The following ATP7A variants were observed in gnomAD, a reference collection of about 807,000 sequenced individuals.
ATP7A encodes the protein copper-transporting ATPase 1.
In ATP7A, 7 loss-of-function variants were observed where a neutral mutation model predicts 83.5. The observed-to-expected ratio is 0.08, with a 90% CI of 0.05 to 0.16. ATP7A has a LOEUF of 0.16. Among genes scored for constraint, ATP7A ranks in the 10% least tolerant of loss-of-function variants. ATP7A has a pLI of 1.00. For synonymous variants in ATP7A, 354 were observed against 395.2 expected (o/e 0.90, Z 1.24); for missense variants, 940 against 1,120.8 (o/e 0.84, Z 2.30).
intron 11 of ATP7A, 149 bp from the exon 12 acceptor site, chrX:78,015,605 C>T (rs1180204140): frequency 2.8e-6 from 2 of 709,995 alleles, no homozygotes; most frequent in Admixed American, 2.4e-5. Flanking sequence ...GCAAGACTGA[C>T]ATACTAGTTC....
rs1557237068 is a variant in ATP7A, at chrX:78,031,546, C to T, written c.3258C>T (p.His1086=). The change falls in exon 16 of 23, where the codon CAC becomes CAT. Residue 1086 remains histidine, a synonymous_variant. Transcript: ENST00000341514. ...IVGTAESNSE[H]PLGTAITKYC... Reference sequence around the variant, plus strand: ...GAACTGCTGAAAGTAACAGTGAACACCCTCTAGGAACAGCCATAACCAAAT... The same window carrying T: ...GAACTGCTGAAAGTAACAGTGAACATCCTCTAGGAACAGCCATAACCAAAT... 8.3e-7 allele frequency: 1 copy of T among 1,211,269 alleles called. No homozygotes were observed. The highest frequency in any genetic ancestry group is 2.2e-5 in the Admixed American group (1 of 46,014).
intron 4 of ATP7A, among the ~76,000 whole-genome samples, chrX:77,994,964 C>G (rs1557232383): frequency 7.2e-5 from 8 of 111,832 alleles, no homozygotes; most frequent in Non-Finnish European, 1.5e-4. Flanking sequence ...GGGCTTATAA[C>G]ATACATACTA....
At chrX:77,911,559 AT>A (rs76893610) in intron 1 of ATP7A, among the ~76,000 whole-genome samples, 4,686 of 81,876 alleles carry the variant, frequency 0.057, 294 homozygotes, top group African/African-American at 0.19. Flanking sequence ...GAGGTTATTA[AT>A]TTTTTTTTTT....
chrX:77,967,596 G>C (rs1358875423), intron 1 of ATP7A, among the ~76,000 whole-genome samples: 1 of 111,505 alleles, frequency 9.0e-6, no homozygotes, highest in African/African-American at 3.3e-5. Context: ...TTTTTGATGG[G>C]GTTGTTTTTT....
intron 11 of ATP7A, among the ~76,000 whole-genome samples, chrX:78,015,286 G>T (rs1217807885): frequency 3.6e-5 from 4 of 111,757 alleles, no homozygotes; most frequent in African/African-American, 1.3e-4. Context: ...GCCATCAGTT[G>T]TTCTGTAGAA....
At position 77,988,432 on chromosome X, in the gene ATP7A, A is replaced by C. The variant is rs1557231597; in HGVS notation, c.311A>C (p.Gln104Pro). 2 of 1,211,713 alleles carry C rather than the reference A, an allele frequency of 1.7e-6. No homozygotes were observed. The highest frequency in any genetic ancestry group is 2.2e-6 in the Non-Finnish European group (2 of 895,459). ...CTGACTTTGCCATGGGACCATATCC[A>C]AAGCACATTGCTGAAGACCAAGGGT... ...ASLTLPWDHI[Q>P]STLLKTKGVT... Residue 104 changes from glutamine (Q) to proline (P), a missense_variant, in exon 3 of 23, where the codon CAA becomes CCA. Physicochemically the swap from Gln to Pro is moderately conservative, Grantham distance 76. Coordinates refer to ENST00000341514, the MANE Select transcript of ATP7A (RefSeq NM_000052.7).
rs1557238674 is a variant in ATP7A, at chrX:78,043,323, C to G, written c.4012C>G (p.Leu1338Val). 8.4e-7 allele frequency: 1 copy of G among 1,186,560 alleles called. No individual in the cohort carries two copies. The highest frequency in any genetic ancestry group is 2.2e-5 in the Admixed American group (1 of 46,021). The change falls in exon 21 of 23, where the codon CTT (leucine) becomes GTT (valine). Residue 1338 changes from leucine (L) to valine (V), a missense_variant. Leu to Val is a conservative substitution (Grantham distance 32). Coordinates refer to ENST00000341514, the MANE Select transcript of ATP7A (RefSeq NM_000052.7). ...AADVVLIRND[L>V]LDVVASIDLS... ...CAAATATTTCTGTTCTTAGAATGAT[C>G]TTCTGGATGTAGTGGCAAGTATTGA... is the stretch of plus-strand genomic sequence containing the variant.
rs782474714 is a variant in ATP7A at position 78,040,820 on chromosome X, A to G, written c.3801+87A>G. ...AAATGCTAAGAAATTTACATTACCT[A>G]CTATTTTCATTATCACTGAGTAGTC... On this transcript the variant is annotated intron_variant, in intron 19 of 22. Transcript: ENST00000341514. 2.9e-5 allele frequency: 31 copies of G among 1,067,828 alleles called. No homozygotes were observed. The East Asian group carries it at 8.8e-4, about 30-fold the overall frequency. The allele number at this position is 1,067,828 out of a possible 1,213,427, so 88.0% of individuals were successfully genotyped here.
chrX:78,017,765 C>CTTTTTTTTTT (rs1176316040), intron 12 of ATP7A, among the ~76,000 whole-genome samples: 6 of 45,859 alleles, frequency 1.3e-4, no homozygotes, highest in Non-Finnish European at 1.5e-4. Context: ...TTTCTTGTTT[C>CTTTTTTTTTT]TTTTTTTTTT....
intron 17 of ATP7A, among the ~76,000 whole-genome samples, chrX:78,036,459 G>A (rs1323272521): frequency 9.0e-6 from 1 of 111,681 alleles, no homozygotes; most frequent in Non-Finnish European, 1.9e-5. Context: ...GAACAGTGTG[G>A]CAAGCGCAGA....
chrX:78,020,227 C>T lies in ATP7A; in HGVS notation c.2627-17C>T, dbSNP rs782200911. ...GATCATTTATGCTCCTTAAATCTATCTTTACTCTCCATACAGGGGAGGCAA... is the reference window on the plus strand; with the variant it reads ...GATCATTTATGCTCCTTAAATCTATTTTTACTCTCCATACAGGGGAGGCAA... On this transcript the variant is annotated splice_polypyrimidine_tract_variant and intron_variant, in intron 12 of 22. Coordinates refer to ENST00000341514, the MANE Select transcript of ATP7A (RefSeq NM_000052.7). The T allele has an allele frequency of 3.3e-6, 4 of 1,206,471 alleles. No individual in the cohort carries two copies. Among genetic ancestry groups the T allele is most frequent in the Non-Finnish European group, 4.5e-6 (4 of 890,665 alleles).
chrX:77,956,609 A>G (rs1298015745), intron 1 of ATP7A, among the ~76,000 whole-genome samples: 1 of 111,275 alleles, frequency 9.0e-6, no homozygotes, highest in Admixed American at 9.6e-5. Context: ...ACCTTCCACC[A>G]TGAACAAAAG....
intron 5 of ATP7A, among the ~76,000 whole-genome samples, chrX:78,001,045 A>T (rs782713389): frequency 2.0e-4 from 23 of 112,293 alleles, no homozygotes; most frequent in Non-Finnish European, 2.8e-4. Flanking sequence ...TGCAATTTAC[A>T]TAAGTATTGA....
In ATP7A at chrX:77,988,451, C is replaced by A. The variant is rs1557231608; in HGVS notation, c.330C>A (p.Thr110=). 2 of 1,211,416 alleles carry A rather than the reference C, an allele frequency of 1.7e-6. No homozygotes were observed. The highest frequency in any genetic ancestry group is 2.2e-5 in the Admixed American group (1 of 45,977). ...ATATCCAAAGCACATTGCTGAAGAC[C>A]AAGGGTGTGACAGACATTAAAATTT... ...WDHIQSTLLK[T]KGVTDIKIYP... Residue 110 remains threonine (T), a synonymous_variant, in exon 3 of 23, where the codon ACC becomes ACA. Transcript: ENST00000341514.
intron 6 of ATP7A, among the ~76,000 whole-genome samples, chrX:78,007,412 G>A (rs984503124): frequency 3.6e-5 from 4 of 110,354 alleles, no homozygotes; most frequent in Non-Finnish European, 7.6e-5. Flanking sequence ...TGCAAGCCCC[G>A]CCTCCCAGGT....
rs371409820 is a variant in ATP7A at position 78,033,765 on chromosome X, C to T, written c.3455C>T (p.Ala1152Val). Residue 1152 changes from alanine (A) to valine (V), a missense_variant, in exon 17 of 23, where the codon GCC becomes GTC. Ala to Val is a moderately conservative substitution (Grantham distance 64). Coordinates refer to ENST00000341514, the MANE Select transcript of ATP7A (RefSeq NM_000052.7). ...IKNASLVQID[A>V]SNEQSSTSSS... is the part of the protein sequence containing the mutation. ...AATGCATCCCTGGTTCAAATTGATGCCAGTAATGAACAGTCATCAACTTCG... is the reference window on the plus strand; with the variant it reads ...AATGCATCCCTGGTTCAAATTGATGTCAGTAATGAACAGTCATCAACTTCG... 53 of 1,208,787 alleles carry T rather than the reference C, an allele frequency of 4.4e-5. No individual in the cohort carries two copies. The highest frequency in any genetic ancestry group is 5.9e-5 in the Non-Finnish European group (53 of 894,651).
At chrX:77,951,150 T>G (rs1168116788) in intron 1 of ATP7A, among the ~76,000 whole-genome samples, 5 of 112,408 alleles carry the variant, frequency 4.4e-5, no homozygotes, top group African/African-American at 1.6e-4. Context: ...AGAAATTCCA[T>G]GTATATGTTT....
At chrX:77,962,445 C>T in intron 1 of ATP7A, 1 of 223,058 alleles carries the variant, frequency 4.5e-6, no homozygotes, top group Non-Finnish European at 8.5e-6. Context: ...CTTTCATTTT[C>T]AACAAATCCC....
chrX:77,967,454 G>A (rs1557228917), intron 1 of ATP7A, among the ~76,000 whole-genome samples: 1 of 112,127 alleles, frequency 8.9e-6, no homozygotes, highest in Non-Finnish European at 1.9e-5. Context: ...TCTGACTGGT[G>A]TGAGATGGTA....
Sources: gnomAD v4.1 joint callset for allele counts (sites outside exome capture counted in the v4.1 genomes callset) on GRCh38, gnomAD v4.1.1 for gene constraint, MANE v1.5 for transcripts, NCBI Gene and HGNC (gene_info 2026-07-23, HGNC 2026-07-21) for gene names.